The following OXR1 variants were observed in gnomAD, a reference collection of about 807,000 sequenced individuals.
OXR1 encodes oxidation resistance protein 1.
In OXR1, 41 loss-of-function variants were observed where a neutral mutation model predicts 104.6. The ratio of observed to expected loss-of-function variants is 0.39; its 90% CI spans 0.31 to 0.51. The LOEUF is 0.51. OXR1 is among the 20% of genes least tolerant of loss of function. OXR1 has a pLI of 0.77. For missense variants in OXR1, 955 were observed against 1,031.9 expected (o/e 0.93, Z 1.02); for synonymous variants, 348 against 348.4 (o/e 1.00, Z 0.01).
intron 1 of OXR1, among the ~76,000 whole-genome samples, chr8:106,303,677 G>A (rs1004728957): frequency 6.6e-6 from 1 of 152,014 alleles, no homozygotes; most frequent in Non-Finnish European, 1.5e-5. Flanking sequence ...CTACATAATG[G>A]AATAGTTTAT....
intron 2 of OXR1, among the ~76,000 whole-genome samples, chr8:106,488,707 C>G (rs1438844205): frequency 6.3e-5 from 9 of 142,558 alleles, no homozygotes; most frequent in Non-Finnish European, 1.2e-4. Context: ...TTGTTTTTCT[C>G]AGGTTTGTCA....
At chr8:106,337,047 A>T (rs1418531447) in intron 1 of OXR1, among the ~76,000 whole-genome samples, 25 of 152,218 alleles carry the variant, frequency 1.6e-4, no homozygotes, top group Admixed American at 1.6e-3. Flanking sequence ...TCTAATTGGG[A>T]AATATCCGTG....
At chr8:106,383,179 A>G (rs542298824) in intron 2 of OXR1, among the ~76,000 whole-genome samples, 1 of 152,250 alleles carries the variant, frequency 6.6e-6, no homozygotes, top group Middle Eastern at 3.4e-3. Flanking sequence ...GGCAGTTGTT[A>G]TTCTTTGAGT....
intron 1 of OXR1, among the ~76,000 whole-genome samples, chr8:106,343,537 T>C (rs574448211): frequency 6.6e-5 from 10 of 152,314 alleles, no homozygotes; most frequent in South Asian, 2.1e-4. Flanking sequence ...CTTTAACATA[T>C]AGCAAGAAAG....
intron 1 of OXR1, among the ~76,000 whole-genome samples, chr8:106,310,146 AAT>A (rs1813637270): frequency 6.6e-6 from 1 of 151,886 alleles, no homozygotes; most frequent in Admixed American, 6.6e-5. Flanking sequence ...TGGCTATAAA[AAT>A]GTTATATTTT....
At chr8:106,556,062 G>A (rs1816261349) in intron 3 of OXR1, among the ~76,000 whole-genome samples, 1 of 151,784 alleles carries the variant, frequency 6.6e-6, no homozygotes, top group Non-Finnish European at 1.5e-5. Flanking sequence ...GTCACATATT[G>A]TATGAATCAA....
intron 3 of OXR1, among the ~76,000 whole-genome samples, chr8:106,529,989 A>C (rs955932751): frequency 6.6e-6 from 1 of 152,206 alleles, no homozygotes; most frequent in Non-Finnish European, 1.5e-5. Context: ...TTAGCAAACA[A>C]AACTTGCCCT....
chr8:106,453,973 A>G (rs1820465586), intron 2 of OXR1, among the ~76,000 whole-genome samples: 1 of 152,210 alleles, frequency 6.6e-6, no homozygotes, highest in African/African-American at 2.4e-5. Context: ...TTGAATTTTT[A>G]TTTTATTCTT....
chr8:106,330,437 GCTGT>G (rs1300967578), intron 1 of OXR1, among the ~76,000 whole-genome samples: 1 of 151,772 alleles, frequency 6.6e-6, no homozygotes, highest in East Asian at 1.9e-4. Context: ...AATTTTCTAT[GCTGT>G]CCCAGAGACT....
chr8:106,324,905 T>G (rs1814401206), intron 1 of OXR1, among the ~76,000 whole-genome samples: 1 of 152,218 alleles, frequency 6.6e-6, no homozygotes, highest in Non-Finnish European at 1.5e-5. Context: ...TGTATTGTGT[T>G]GAAATAAAAT....
At chr8:106,319,401 T>C (rs1393738925) in intron 1 of OXR1, among the ~76,000 whole-genome samples, 1 of 152,218 alleles carries the variant, frequency 6.6e-6, no homozygotes, top group Non-Finnish European at 1.5e-5. Flanking sequence ...CAACTTTATA[T>C]CCAGAAGGAA....
chr8:106,316,045 T>C (rs1023887623), intron 1 of OXR1, among the ~76,000 whole-genome samples: 8 of 152,232 alleles, frequency 5.3e-5, no homozygotes, highest in African/African-American at 1.9e-4. Flanking sequence ...TGTGTAACTT[T>C]CTAACAGTTT....
chr8:106,501,318 A>G (rs1811792241), intron 2 of OXR1, among the ~76,000 whole-genome samples: 1 of 152,178 alleles, frequency 6.6e-6, no homozygotes, highest in Non-Finnish European at 1.5e-5. Flanking sequence ...CAGAACAGAA[A>G]GGAAAGTGTG....
At chr8:106,324,172 A>G (rs867805226) in intron 1 of OXR1, among the ~76,000 whole-genome samples, 15 of 152,368 alleles carry the variant, frequency 9.8e-5, no homozygotes, top group African/African-American at 2.6e-4. Flanking sequence ...ATGGAATACT[A>G]TGCAGTCATA....
At chr8:106,743,647 G>T (rs944344797) in intron 15 of OXR1, among the ~76,000 whole-genome samples, 2 of 152,194 alleles carry the variant, frequency 1.3e-5, no homozygotes, top group Non-Finnish European at 2.9e-5. Flanking sequence ...TACCCTGTTG[G>T]TGGGAGTGTA....
chr8:106,344,830 T>C (rs2130284081), intron 1 of OXR1, among the ~76,000 whole-genome samples: 1 of 152,360 alleles, frequency 6.6e-6, no homozygotes, highest in East Asian at 1.9e-4. Flanking sequence ...TCATCCTTTA[T>C]TGTAAAATCC....
At chr8:106,367,085 C>T (rs117556932) in intron 2 of OXR1, among the ~76,000 whole-genome samples, 4,754 of 139,310 alleles carry the variant, frequency 0.034, 130 homozygotes, top group East Asian at 0.072. Context: ...TTTTTTGAGA[C>T]GGAGTCTTGC....
chr8:106,281,188 A>G (rs917595331), intron 1 of OXR1, among the ~76,000 whole-genome samples: 8 of 152,184 alleles, frequency 5.3e-5, no homozygotes, highest in Non-Finnish European at 1.0e-4. Context: ...GAGGGGCAGA[A>G]AAGTTGTGGA....
At chr8:106,517,642 C>T (rs1050744485) in intron 2 of OXR1, among the ~76,000 whole-genome samples, 3 of 152,098 alleles carry the variant, frequency 2.0e-5, no homozygotes, top group Admixed American at 6.6e-5. Context: ...ACATTTTAGC[C>T]ACTGTGGTGG....
Sources: gnomAD v4.1 joint callset for allele counts (sites outside exome capture counted in the v4.1 genomes callset) on GRCh38, gnomAD v4.1.1 for gene constraint, MANE v1.5 for transcripts, NCBI Gene and HGNC (gene_info 2026-07-23, HGNC 2026-07-21) for gene names.